The following CDH18 variants were observed in gnomAD, a reference collection of about 807,000 sequenced individuals.
The protein encoded by CDH18 is cadherin 18.
CDH18 carries 31 observed loss-of-function variants against 67.9 expected under a neutral mutation model. The ratio of observed to expected loss-of-function variants is 0.46; its 90% CI spans 0.34 to 0.62. CDH18 has a LOEUF of 0.62. Among genes scored for constraint, CDH18 ranks in the 20% least tolerant of loss-of-function variants. The probability of loss-of-function intolerance (pLI) is 0.01; values close to 1 mark genes in which losing one functional copy is unlikely to be tolerated. For synonymous variants in CDH18, 362 were observed against 347.2 expected, an observed-to-expected ratio of 1.04 and a Z score of -0.48; for missense variants, 890 against 975.5, an observed-to-expected ratio of 0.91 and a Z score of 1.17.
intron 2 of CDH18, among the ~76,000 whole-genome samples, chr5:20,014,977 T>G (rs1174425087): frequency 1.3e-5 from 2 of 152,060 alleles, no homozygotes; most frequent in Non-Finnish European, 2.9e-5. Flanking sequence ...AGGGAGGAGC[T>G]TTGGACTTCA....
intron 2 of CDH18, among the ~76,000 whole-genome samples, chr5:19,846,549 CG>C (rs551362600): frequency 6.6e-6 from 1 of 152,012 alleles, no homozygotes; most frequent in South Asian, 2.1e-4. Context: ...TATTAGTGGA[CG>C]TTTTTCAGCC....
chr5:19,612,764 C>T (rs573143342), intron 5 of CDH18, among the ~76,000 whole-genome samples, 163 bp from the exon 6 acceptor site: 1 of 152,136 alleles, frequency 6.6e-6, no homozygotes, highest in Non-Finnish European at 1.5e-5. Context: ...TGAATACTGT[C>T]TCTTTGAAAA....
chr5:20,069,412 T>TTTAC (rs1743259219), intron 2 of CDH18, among the ~76,000 whole-genome samples: 1 of 149,870 alleles, frequency 6.7e-6, no homozygotes, highest in South Asian at 2.1e-4. Context: ...ATTATTTTTA[T>TTTAC]TTATTTATTT....
At chr5:19,475,192 G>GCACACACA (rs34517461) in intron 12 of CDH18, among the ~76,000 whole-genome samples, 13,509 of 146,232 alleles carry the variant, frequency 0.092, 809 homozygotes, top group Admixed American at 0.19. Flanking sequence ...ATCAATAACA[G>GCACACACA]CACACACACA....
At chr5:20,337,037 C>G (rs1739839411) in intron 1 of CDH18, among the ~76,000 whole-genome samples, 1 of 152,186 alleles carries the variant, frequency 6.6e-6, no homozygotes, top group African/African-American at 2.4e-5. Context: ...AGAAGACTTC[C>G]TGGCTTCTGC....
intron 2 of CDH18, among the ~76,000 whole-genome samples, chr5:19,864,807 T>C (rs1785304017): frequency 6.6e-6 from 1 of 152,196 alleles, no homozygotes. Flanking sequence ...TCTGATTTTC[T>C]AGCTAACGAA....
chr5:19,699,821 T>C (rs1763002590), intron 5 of CDH18, among the ~76,000 whole-genome samples: 3 of 152,038 alleles, frequency 2.0e-5, no homozygotes, highest in Admixed American at 1.3e-4. Flanking sequence ...AGCCACCCAG[T>C]CTATGATATC....
In CDH18 at chr5:19,957,894, A is replaced by T. The variant is rs538472504; in HGVS notation, c.-257+23166T>A. Among the ~76,000 whole-genome samples the T allele has an allele frequency of 4.6e-5, 7 of 152,228 alleles. 1 individual carries two copies. The highest frequency in any genetic ancestry group is 1.7e-4 in the African/African-American group (7 of 41,552). On this transcript the variant is annotated intron_variant, in intron 2 of 12. Transcript: ENST00000382275. ...TCTACAAAAATGTAATATGTAGATA[A>T]CTGAAAAATACAAAATCTATGTTGA...
At chr5:20,143,426 G>A (rs1209563382) in intron 2 of CDH18, among the ~76,000 whole-genome samples, 1 of 152,002 alleles carries the variant, frequency 6.6e-6, no homozygotes. Flanking sequence ...GGAGTGCAGT[G>A]ACACAATCAT....
At chr5:20,309,239 T>A (rs776019992) in intron 1 of CDH18, among the ~76,000 whole-genome samples, 3 of 152,204 alleles carry the variant, frequency 2.0e-5, no homozygotes, top group Admixed American at 6.5e-5. Flanking sequence ...GAGAAGCATG[T>A]GGGATTTTGC....
At chr5:19,605,400 G>A (rs1747869445) in intron 6 of CDH18, among the ~76,000 whole-genome samples, 1 of 151,448 alleles carries the variant, frequency 6.6e-6, no homozygotes, top group South Asian at 2.1e-4. Flanking sequence ...TTCTATGAAG[G>A]CTAAATGAAA....
chr5:20,128,539 T>C (rs1246684645), intron 2 of CDH18, among the ~76,000 whole-genome samples: 2 of 152,122 alleles, frequency 1.3e-5, no homozygotes, highest in Non-Finnish European at 2.9e-5. Context: ...CATATATTGA[T>C]GAATCAGCTC....
chr5:20,057,998 A>C (rs1408019499), intron 2 of CDH18, among the ~76,000 whole-genome samples: 4 of 152,134 alleles, frequency 2.6e-5, no homozygotes, highest in Non-Finnish European at 5.9e-5. Flanking sequence ...GATACATACA[A>C]TTTCCACCTC....
chr5:20,450,633 A>C (rs1439553004), intron 1 of CDH18, among the ~76,000 whole-genome samples: 2 of 152,180 alleles, frequency 1.3e-5, no homozygotes, highest in East Asian at 1.9e-4. Flanking sequence ...TAATGTATGC[A>C]CTTCTTAGCT....
chr5:20,449,302 G>T (rs1750249235), intron 1 of CDH18, among the ~76,000 whole-genome samples: 1 of 152,018 alleles, frequency 6.6e-6, no homozygotes, highest in African/African-American at 2.4e-5. Context: ...TTTTTCCTTA[G>T]AAATGTGAGT....
At chr5:19,734,092 T>C (rs1328824809) in intron 4 of CDH18, among the ~76,000 whole-genome samples, 1 of 152,218 alleles carries the variant, frequency 6.6e-6, no homozygotes, top group Non-Finnish European at 1.5e-5. Flanking sequence ...AATTTCACAG[T>C]GTTCTCTGCA....
chr5:19,812,898 C>T (rs542617504), intron 3 of CDH18, among the ~76,000 whole-genome samples: 1 of 152,012 alleles, frequency 6.6e-6, no homozygotes, highest in African/African-American at 2.4e-5. Flanking sequence ...CCCAAATGCC[C>T]ATCAATGATA....
chr5:19,743,775 G>C (rs1561203553), intron 4 of CDH18, among the ~76,000 whole-genome samples: 1 of 151,896 alleles, frequency 6.6e-6, no homozygotes, highest in African/African-American at 2.4e-5. Context: ...ACAAACTTTA[G>C]CTGGGCCTGG....
chr5:20,146,547 AC>A (rs1221341896), intron 2 of CDH18, among the ~76,000 whole-genome samples: 1 of 152,052 alleles, frequency 6.6e-6, no homozygotes, highest in Non-Finnish European at 1.5e-5. Flanking sequence ...TTTTCTTCAA[AC>A]AAGTTCTTTT....
Sources: allele counts gnomAD v4.1 joint callset (sites outside exome capture counted in the v4.1 genomes callset), GRCh38; gene constraint gnomAD v4.1.1; transcripts MANE v1.5; gene names NCBI Gene and HGNC (gene_info 2026-07-23, HGNC 2026-07-21).